Variants in COL23A1 observed in about 807,000 individuals in gnomAD.
COL23A1 encodes collagen alpha-1(XXIII) chain.
In COL23A1, 97 loss-of-function variants were observed where a neutral mutation model predicts 99.3. That is an observed-to-expected ratio of 0.98 (90% CI 0.83 to 1.16). The LOEUF (loss-of-function observed/expected upper bound fraction) is 1.16. Among genes scored for constraint, COL23A1 ranks in the 50% most tolerant of loss-of-function variants. COL23A1 has a pLI of 0.00. For missense variants in COL23A1, 762 were observed against 757.4 expected (o/e 1.01, Z -0.07); for synonymous variants, 320 against 308.2 (o/e 1.04, Z -0.40).
chr5:178,515,573 C>A (rs879652492), intron 2 of COL23A1, among the ~76,000 whole-genome samples: 1 of 152,178 alleles, frequency 6.6e-6, no homozygotes, highest in South Asian at 2.1e-4. Flanking sequence ...CACTCAGCAC[C>A]CCTCCTTCTT....
intron 2 of COL23A1, among the ~76,000 whole-genome samples, chr5:178,325,348 A>G (rs1759588664): frequency 1.2e-5 from 1 of 85,608 alleles, no homozygotes; most frequent in Non-Finnish European, 2.4e-5. Flanking sequence ...GCCAGCCTGG[A>G]CTTCCCTCTC....
At chr5:178,445,165 T>C (rs1767089237) in intron 2 of COL23A1, among the ~76,000 whole-genome samples, 1 of 152,236 alleles carries the variant, frequency 6.6e-6, no homozygotes, top group Non-Finnish European at 1.5e-5. Flanking sequence ...ATAAAATTTG[T>C]TAATATAACT....
intron 13 of COL23A1, 76 bp from the exon 14 acceptor site, chr5:178,257,004 G>C: frequency 4.2e-6 from 6 of 1,412,076 alleles, no homozygotes; most frequent in Non-Finnish European, 5.9e-6. Flanking sequence ...GGCGTGCCTC[G>C]GGGTTGCCTG....
intron 12 of COL23A1, 144 bp downstream of exon 12, chr5:178,259,577 G>A: frequency 1.4e-6 from 1 of 718,902 alleles, no homozygotes; most frequent in Non-Finnish European, 2.2e-6. Context: ...GCTCAGGGCT[G>A]GTGGAGAGAA....
At chr5:178,238,819 C>A (rs1293216771) in intron 28 of COL23A1, 119 bp from the exon 29 acceptor site, 4 of 1,386,012 alleles carry the variant, frequency 2.9e-6, no homozygotes, top group Non-Finnish European at 4.1e-6. Context: ...CCTCCCCCCA[C>A]TCCCTCTCAG....
chr5:178,437,395 A>C (rs1766617190), intron 2 of COL23A1, among the ~76,000 whole-genome samples: 1 of 152,144 alleles, frequency 6.6e-6, no homozygotes, highest in Non-Finnish European at 1.5e-5. Flanking sequence ...GCAGGAGCAG[A>C]ACTGAGCCGG....
At chr5:178,474,503 TTC>T (rs1338072659) in intron 2 of COL23A1, among the ~76,000 whole-genome samples, 18 of 141,344 alleles carry the variant, frequency 1.3e-4, no homozygotes, top group Non-Finnish European at 6.1e-5. Flanking sequence ...ACACAGTATC[TTC>T]TCTCTCCTTG....
intron 2 of COL23A1, among the ~76,000 whole-genome samples, chr5:178,328,485 C>T (rs1031682688): frequency 3.3e-5 from 5 of 152,206 alleles, no homozygotes; most frequent in Non-Finnish European, 5.9e-5. Flanking sequence ...GCTATTCCCA[C>T]GAACTTGGGT....
At chr5:178,562,249 GAAAAAA>G in intron 1 of COL23A1, 1 of 192,844 alleles carries the variant, frequency 5.2e-6, no homozygotes, top group South Asian at 3.6e-5. Flanking sequence ...CTCAAAAAAA[GAAAAAA>G]AAAAAAAAAA....
intron 2 of COL23A1, among the ~76,000 whole-genome samples, chr5:178,553,433 A>G (rs1762112666): frequency 6.6e-6 from 1 of 152,202 alleles, no homozygotes; most frequent in South Asian, 2.1e-4. Flanking sequence ...AGGATTTCTG[A>G]CTTGCATTAA....
Position 178,368,527 on chromosome 5 carries a change from G to A in COL23A1, c.362-61608C>T, listed in dbSNP as rs144091692. ...GGTTTGGACGACTGTGTAATGACAC[G>A]TAGCCACCGCTATAGTATCACACGG... is the stretch of plus-strand genomic sequence containing the variant. On this transcript the variant is annotated intron_variant, in intron 2 of 28. Transcript: ENST00000390654. 1.7e-3 allele frequency among the ~76,000 whole-genome samples: 254 copies of A among 152,224 alleles called. 3 individuals carry two copies. The highest frequency in any genetic ancestry group is 5.9e-3 in the African/African-American group (245 of 41,530).
intron 2 of COL23A1, among the ~76,000 whole-genome samples, chr5:178,514,443 T>C (rs955075657): frequency 1.1e-4 from 17 of 152,322 alleles, no homozygotes; most frequent in Middle Eastern, 3.4e-3. Flanking sequence ...GATTGCTGGA[T>C]CATATGATAG....
At chr5:178,401,036 C>G (rs1764420384) in intron 2 of COL23A1, among the ~76,000 whole-genome samples, 1 of 152,262 alleles carries the variant, frequency 6.6e-6, no homozygotes, top group South Asian at 2.1e-4. Flanking sequence ...AACCTCCACT[C>G]TACTTTCTGT....
intron 2 of COL23A1, among the ~76,000 whole-genome samples, chr5:178,361,682 T>C (rs1762182676): frequency 6.6e-6 from 1 of 152,112 alleles, no homozygotes; most frequent in African/African-American, 2.4e-5. Flanking sequence ...ACCCCAACCC[T>C]GACGGCTCCC....
intron 2 of COL23A1, among the ~76,000 whole-genome samples, chr5:178,494,672 A>C (rs2127975931): frequency 6.6e-6 from 1 of 152,230 alleles, no homozygotes; most frequent in Middle Eastern, 3.4e-3. Context: ...TCTCAAACAA[A>C]AGAGTGCTGG....
chr5:178,317,542 T>G (rs1759045480), intron 2 of COL23A1, among the ~76,000 whole-genome samples: 1 of 152,238 alleles, frequency 6.6e-6, no homozygotes, highest in Non-Finnish European at 1.5e-5. Flanking sequence ...AATTACCTTT[T>G]GTTGGAGGTA....
At chr5:178,483,717 T>C (rs1159908328) in intron 2 of COL23A1, among the ~76,000 whole-genome samples, 1 of 152,228 alleles carries the variant, frequency 6.6e-6, no homozygotes, top group Non-Finnish European at 1.5e-5. Context: ...TTTATTTGGG[T>C]TTCTCCCTCC....
intron 2 of COL23A1, among the ~76,000 whole-genome samples, chr5:178,364,066 G>A (rs1175972342): frequency 6.6e-5 from 10 of 152,192 alleles, no homozygotes; most frequent in Admixed American, 6.5e-4. Flanking sequence ...CCAGTGGTCT[G>A]GCTACCACCT....
At chr5:178,586,610 GAA>G (rs11464020) in intron 1 of COL23A1, among the ~76,000 whole-genome samples, 1 of 144,468 alleles carries the variant, frequency 6.9e-6, no homozygotes, top group African/African-American at 2.5e-5. Context: ...CTGTTGCAAG[GAA>G]AAAAAAAAAA....
Sources: gnomAD v4.1 joint callset for allele counts (sites outside exome capture counted in the v4.1 genomes callset) on GRCh38, gnomAD v4.1.1 for gene constraint, MANE v1.5 for transcripts, NCBI Gene and HGNC (gene_info 2026-07-23, HGNC 2026-07-21) for gene names.